The following SLC25A12 variants were observed in gnomAD, a reference collection of about 807,000 sequenced individuals.
SLC25A12 encodes electrogenic aspartate/glutamate antiporter SLC25A12, mitochondrial.
In SLC25A12, 32 loss-of-function variants were observed where a neutral mutation model predicts 83.3. The observed-to-expected ratio is 0.38, with a 90% CI of 0.29 to 0.52. SLC25A12 has a LOEUF of 0.52. Among genes scored for constraint, SLC25A12 ranks in the 20% least tolerant of loss-of-function variants. The pLI, the probability that SLC25A12 is intolerant of heterozygous loss-of-function variation, is 0.84. For missense variants in SLC25A12, 611 were observed against 835.6 expected, an observed-to-expected ratio of 0.73 and a Z score of 3.31; for synonymous variants, 267 against 291.1, an observed-to-expected ratio of 0.92 and a Z score of 0.84.
chr2:171,870,646 C>A (rs149957773), intron 2 of SLC25A12, among the ~76,000 whole-genome samples: 175 of 151,980 alleles, frequency 1.2e-3, no homozygotes, highest in Middle Eastern at 3.4e-3. Flanking sequence ...TATAAATATA[C>A]TGACAGGAAT....
chr2:171,801,578 G>GTT lies in SLC25A12; in HGVS notation c.1306-7813_1306-7812dup, dbSNP rs980154799. ...CAACTTAACAATGATACAACTTATGGTTTTTTGACTTTACAATGGTGCAAA... is the reference window on the plus strand; with the variant it reads ...CAACTTAACAATGATACAACTTATGGTTTTTTTTGACTTTACAATGGTGCAAA... On this transcript the variant is annotated intron_variant, in intron 13 of 17. Coordinates refer to ENST00000422440, the MANE Select transcript of SLC25A12 (RefSeq NM_003705.5). Among the ~76,000 whole-genome samples, 470 of 152,172 alleles carry GTT rather than the reference G, an allele frequency of 3.1e-3. 3 individuals carry two copies. The highest frequency in any genetic ancestry group is 0.011 in the African/African-American group (449 of 41,498).
At chr2:171,810,423 C>A in intron 11 of SLC25A12, 147 bp from the exon 12 acceptor site, 1 of 733,270 alleles carries the variant, frequency 1.4e-6, no homozygotes, top group South Asian at 1.5e-5. Context: ...CCTTAAAACT[C>A]TGTATACATA....
At chr2:171,884,509 T>C (rs62182402) in intron 2 of SLC25A12, among the ~76,000 whole-genome samples, 35,662 of 150,630 alleles carry the variant, frequency 0.24, 4,952 homozygotes, top group Middle Eastern at 0.35. Flanking sequence ...GTGGCTCTCA[T>C]CTGTAATCCC....
At chr2:171,876,934 C>G (rs1393793821) in intron 2 of SLC25A12, among the ~76,000 whole-genome samples, 2 of 152,182 alleles carry the variant, frequency 1.3e-5, no homozygotes, top group Non-Finnish European at 2.9e-5. Flanking sequence ...CTGACAGTAT[C>G]TGAAATGTAT....
chr2:171,815,405 T>C (rs1039062436), intron 9 of SLC25A12, among the ~76,000 whole-genome samples: 2 of 152,200 alleles, frequency 1.3e-5, no homozygotes, highest in Non-Finnish European at 1.5e-5. Context: ...GATAACTCTA[T>C]TGTCAGCATT....
intron 4 of SLC25A12, chr2:171,848,281 A>C: frequency 2.1e-6 from 1 of 471,106 alleles, no homozygotes; most frequent in Non-Finnish European, 4.4e-6. Context: ...CTCCTCCTGT[A>C]GGTATACAAG....
At chr2:171,801,958 GAC>G (rs1574681691) in intron 13 of SLC25A12, among the ~76,000 whole-genome samples, 2 of 150,024 alleles carry the variant, frequency 1.3e-5, no homozygotes, top group East Asian at 1.9e-4. Context: ...TGTACAGAAA[GAC>G]AGAAATTTTC....
chr2:171,824,553 A>C (rs1684258828), intron 9 of SLC25A12, among the ~76,000 whole-genome samples: 1 of 152,206 alleles, frequency 6.6e-6, no homozygotes, highest in Admixed American at 6.5e-5. Flanking sequence ...ACACTGCAAA[A>C]TATCTTCTTT....
At chr2:171,800,748 T>C (rs1019546833) in intron 13 of SLC25A12, among the ~76,000 whole-genome samples, 1 of 152,170 alleles carries the variant, frequency 6.6e-6, no homozygotes, top group Admixed American at 6.6e-5. Flanking sequence ...TTGTGGTAAA[T>C]TCGTACGATG....
chr2:171,868,582 G>A, intron 3 of SLC25A12, 99 bp downstream of exon 3: 1 of 1,225,658 alleles, frequency 8.2e-7, no homozygotes, highest in Middle Eastern at 2.0e-4. Flanking sequence ...CCAAAGCGCT[G>A]GGATTACAGG....
At chr2:171,833,280 T>A (rs574025844) in intron 8 of SLC25A12, among the ~76,000 whole-genome samples, 1 of 152,144 alleles carries the variant, frequency 6.6e-6, no homozygotes, top group Non-Finnish European at 1.5e-5. Flanking sequence ...GAAGAAAGAC[T>A]ATTGGTCCCT....
chr2:171,849,275 A>G lies in SLC25A12; in HGVS notation c.326-4767T>C, dbSNP rs533054519. Among the ~76,000 whole-genome samples the G allele has an allele frequency of 5.0e-4, 76 of 152,222 alleles. 1 individual carries two copies. The South Asian group carries it at 0.015, about 29-fold the overall frequency. On this transcript the variant is annotated intron_variant, in intron 4 of 17. Transcript: ENST00000422440. ...CTTCAACAGTCTATCATCAAACAGC[A>G]TAAAAACTAATAACACTCCACCTTT... is the stretch of plus-strand genomic sequence containing the variant.
At chr2:171,884,046 T>A (rs1198482616) in intron 2 of SLC25A12, among the ~76,000 whole-genome samples, 1 of 135,544 alleles carries the variant, frequency 7.4e-6, no homozygotes, top group Non-Finnish European at 1.6e-5. Context: ...CTTTTTTATC[T>A]TTTTTTTTTT....
intron 3 of SLC25A12, among the ~76,000 whole-genome samples, chr2:171,856,187 G>A (rs951871555): frequency 6.6e-5 from 10 of 152,296 alleles, no homozygotes; most frequent in African/African-American, 2.4e-4. Flanking sequence ...ACATCATGAA[G>A]AGAGAGAACC....
At chr2:171,854,296 C>T (rs781055517) in intron 4 of SLC25A12, among the ~76,000 whole-genome samples, 6 of 152,030 alleles carry the variant, frequency 3.9e-5, no homozygotes, top group Non-Finnish European at 7.4e-5. Flanking sequence ...AGGCCAGGCG[C>T]GGTGGCTCAG....
chr2:171,824,803 ACT>A (rs1216762765), intron 9 of SLC25A12, among the ~76,000 whole-genome samples: 3 of 151,696 alleles, frequency 2.0e-5, no homozygotes, highest in African/African-American at 7.3e-5. Context: ...ATGGAAATAA[ACT>A]TTTTTCTTTT....
chr2:171,850,097 C>G (rs1460831047), intron 4 of SLC25A12, among the ~76,000 whole-genome samples: 1 of 151,914 alleles, frequency 6.6e-6, no homozygotes, highest in East Asian at 1.9e-4. Context: ...AGCCACCATG[C>G]CTGGCCGCCA....
At chr2:171,834,233 G>A (rs905415862) in intron 7 of SLC25A12, 177 bp from the exon 8 acceptor site, 11 of 558,568 alleles carry the variant, frequency 2.0e-5, no homozygotes, top group African/African-American at 9.5e-5. Context: ...ATTTCTGAAG[G>A]CTGGTAAAAG....
chr2:171,893,850 A>T (rs1019854044), intron 1 of SLC25A12, among the ~76,000 whole-genome samples: 11 of 151,902 alleles, frequency 7.2e-5, no homozygotes, highest in African/African-American at 2.2e-4. Flanking sequence ...ATTCACTGAT[A>T]CCCTAGGTAT....
Sources: gnomAD v4.1 joint callset for allele counts (sites outside exome capture counted in the v4.1 genomes callset) on GRCh38, gnomAD v4.1.1 for gene constraint, MANE v1.5 for transcripts, NCBI Gene and HGNC (gene_info 2026-07-23, HGNC 2026-07-21) for gene names.